DIS3L2: variants seen among roughly 807,000 people sequenced by gnomAD.
DIS3L2 encodes the protein DIS3 like 3'-5' exoribonuclease 2.
A neutral mutation model predicts 97.5 loss-of-function variants in DIS3L2; 34 were observed. That is an observed-to-expected ratio of 0.35 (90% CI 0.27 to 0.46). The LOEUF is 0.46. Among genes scored for constraint, DIS3L2 ranks in the 20% least tolerant of loss-of-function variants. DIS3L2 has a pLI of 1.00. For synonymous variants in DIS3L2, 435 were observed against 445.2 expected (o/e 0.98, Z 0.29); for missense variants, 1,038 against 1,146.0 (o/e 0.91, Z 1.36).
At chr2:232,182,227 T>G (rs1691304048) in intron 9 of DIS3L2, among the ~76,000 whole-genome samples, 1 of 152,194 alleles carries the variant, frequency 6.6e-6, no homozygotes, top group African/African-American at 2.4e-5. Flanking sequence ...AATTTCTACA[T>G]ACTTGTGAAT....
chr2:232,298,104 C>T (rs1694765487), intron 13 of DIS3L2, among the ~76,000 whole-genome samples: 1 of 152,124 alleles, frequency 6.6e-6, no homozygotes, highest in African/African-American at 2.4e-5. Flanking sequence ...CCTATTTTTC[C>T]TGGGTTAGTA....
At chr2:232,336,417 C>T in intron 20 of DIS3L2, 52 bp from the exon 21 acceptor site, 1 of 1,574,056 alleles carries the variant, frequency 6.4e-7, no homozygotes, top group Non-Finnish European at 8.6e-7. Context: ...AGAGCTGCGC[C>T]TCGACATCAG....
intron 12 of DIS3L2, among the ~76,000 whole-genome samples, chr2:232,251,405 C>T (rs1693414058): frequency 6.6e-6 from 1 of 152,120 alleles, no homozygotes; most frequent in Non-Finnish European, 1.5e-5. Context: ...AAGATTCCTA[C>T]TGAAAGGTAA....
intron 9 of DIS3L2, among the ~76,000 whole-genome samples, chr2:232,170,876 G>A (rs922663003): frequency 3.3e-5 from 5 of 152,160 alleles, no homozygotes; most frequent in African/African-American, 9.7e-5. Context: ...CCTTGAAATA[G>A]CAACTTGAAA....
intron 5 of DIS3L2, among the ~76,000 whole-genome samples, chr2:232,078,385 C>A (rs115681701): frequency 8.5e-5 from 13 of 152,176 alleles, no homozygotes; most frequent in East Asian, 5.8e-4. Context: ...CCTTCCCCCC[C>A]GCCCCGCTCC....
At chr2:232,076,728 A>G (rs1696198710) in intron 5 of DIS3L2, among the ~76,000 whole-genome samples, 1 of 152,142 alleles carries the variant, frequency 6.6e-6, no homozygotes, top group South Asian at 2.1e-4. Flanking sequence ...AGAAGTTTTA[A>G]TAGAGTTGAA....
intron 9 of DIS3L2, among the ~76,000 whole-genome samples, chr2:232,206,317 A>G (rs1214473752): frequency 6.6e-6 from 1 of 152,238 alleles, no homozygotes; most frequent in Non-Finnish European, 1.5e-5. Context: ...TAATTGGCAC[A>G]TTCAGAAACG....
At chr2:232,341,730 C>T (rs2106362090), downstream of DIS3L2, among the ~76,000 whole-genome samples, 1 of 152,348 alleles carries the variant, frequency 6.6e-6, no homozygotes, top group South Asian at 2.1e-4. Context: ...TGACAGGCCC[C>T]AGGGCTGCTA....
At chr2:232,343,363 G>C in exon 14 of DIS3L2, 1 of 1,557,094 alleles carries the variant, frequency 6.4e-7, no homozygotes, top group Non-Finnish European at 8.7e-7. Context: ...AGACAAGGAT[G>C]GGGCTGCCCA....
intron 5 of DIS3L2, among the ~76,000 whole-genome samples, 170 bp from the exon 6 acceptor site, chr2:232,087,317 C>T (rs1379054630): frequency 6.6e-6 from 1 of 152,134 alleles, no homozygotes; most frequent in Non-Finnish European, 1.5e-5. Context: ...TGATTATGTG[C>T]ATTAGGTGGT....
At chr2:232,210,437 A>G (rs774243049) in intron 10 of DIS3L2, 32 bp downstream of exon 10, 2 of 1,591,108 alleles carry the variant, frequency 1.3e-6, no homozygotes, top group South Asian at 2.2e-5. Flanking sequence ...CATCTTGGGT[A>G]GCAGGCAGTC....
chr2:232,311,276 A>G (rs1464036001), intron 14 of DIS3L2, among the ~76,000 whole-genome samples: 2 of 152,214 alleles, frequency 1.3e-5, no homozygotes, highest in East Asian at 1.9e-4. Flanking sequence ...GCATTCTGCT[A>G]TTTTTTTCTG....
At chr2:232,090,377 C>T (rs1297762259) in intron 6 of DIS3L2, among the ~76,000 whole-genome samples, 1 of 152,166 alleles carries the variant, frequency 6.6e-6, no homozygotes, top group Non-Finnish European at 1.5e-5. Flanking sequence ...AGGGAACAAC[C>T]TTAATCCTTC....
chr2:232,064,791 A>G (rs1695808004), intron 5 of DIS3L2, among the ~76,000 whole-genome samples: 1 of 152,162 alleles, frequency 6.6e-6, no homozygotes, highest in Admixed American at 6.5e-5. Flanking sequence ...CCCTGATGAC[A>G]AAATGATGCT....
chr2:232,000,657 C>CCTTTCCTTTCCTTTCCTTTCCTTTCT (rs1693863209), intron 1 of DIS3L2, among the ~76,000 whole-genome samples: 2 of 137,178 alleles, frequency 1.5e-5, no homozygotes, highest in African/African-American at 5.3e-5. Flanking sequence ...CCTTTCCTTT[C>CCTTTCCTTTCCTTTCCTTTCCTTTCT]CTTTCTCTTT....
At chr2:232,067,194 T>G (rs1160136537) in intron 5 of DIS3L2, among the ~76,000 whole-genome samples, 1 of 152,170 alleles carries the variant, frequency 6.6e-6, no homozygotes, top group African/African-American at 2.4e-5. Context: ...AATTAGCTTC[T>G]TATACTTCCC....
intron 13 of DIS3L2, among the ~76,000 whole-genome samples, chr2:232,278,117 C>T (rs774163550): frequency 5.9e-5 from 9 of 152,044 alleles, no homozygotes; most frequent in South Asian, 2.1e-4. Flanking sequence ...TTTGTTAATA[C>T]GATAGATTGG....
chr2:232,329,072 G>T (rs539463244), intron 14 of DIS3L2: 26 of 152,434 alleles, frequency 1.7e-4, no homozygotes, highest in African/African-American at 6.3e-4. Context: ...AGTGACTGTT[G>T]AGTCTAATGA....
intron 6 of DIS3L2, among the ~76,000 whole-genome samples, chr2:232,121,427 G>A (rs557629787): frequency 4.0e-4 from 61 of 152,184 alleles, no homozygotes; most frequent in African/African-American, 1.4e-3. Context: ...AATCTCCCAG[G>A]GAAAGAGTCT....
Sources: allele counts gnomAD v4.1 joint callset (sites outside exome capture counted in the v4.1 genomes callset), GRCh38; gene constraint gnomAD v4.1.1; transcripts MANE v1.5; gene names NCBI Gene and HGNC (gene_info 2026-07-23, HGNC 2026-07-21).